ANKRD62: variants seen among roughly 807,000 people sequenced by gnomAD.
ANKRD62 encodes the protein ankyrin repeat domain 62.
A neutral mutation model predicts 98.8 loss-of-function variants in ANKRD62; 61 were observed. The observed-to-expected ratio is 0.62, with a 90% confidence interval of 0.50 to 0.76. ANKRD62 has a LOEUF of 0.76. ANKRD62 is among the 30% of genes least tolerant of loss of function. ANKRD62 has a pLI of 0.00. For missense variants in ANKRD62, 933 were observed against 1,082.9 expected, an observed-to-expected ratio of 0.86 and a Z score of 1.94; for synonymous variants, 341 against 367.9, an observed-to-expected ratio of 0.93 and a Z score of 0.84.
chr18:12,181,459 T>C, the ANKRD62 span, among the ~76,000 whole-genome samples: 93 of 152,358 alleles, frequency 6.1e-4, 1 homozygote, highest in East Asian at 0.014. Context: ...ACAGCATGTA[T>C]CTTGGCTGCT....
chr18:12,163,527 G>C, the ANKRD62 span, among the ~76,000 whole-genome samples: 140,542 of 152,186 alleles, frequency 0.92, 65,101 homozygotes, highest in Middle Eastern at 0.99. Context: ...TTGTTCTAGC[G>C]AGAACTTCCA....
intron 11 of ANKRD62, among the ~76,000 whole-genome samples, chr18:12,123,620 G>C (rs1273406749): frequency 6.6e-6 from 1 of 152,154 alleles, no homozygotes; most frequent in Non-Finnish European, 1.5e-5. Context: ...TAACATCTTA[G>C]ATTCTTTAGC....
At chr18:12,144,909 C>T in the ANKRD62 span, among the ~76,000 whole-genome samples, 1 of 131,552 alleles carries the variant, frequency 7.6e-6, no homozygotes, top group Non-Finnish European at 1.6e-5. Flanking sequence ...TTTGGGAGGC[C>T]GAGGAGGGCG....
chr18:12,171,457 AT>A, the ANKRD62 span, among the ~76,000 whole-genome samples: 1 of 152,218 alleles, frequency 6.6e-6, no homozygotes, highest in South Asian at 2.1e-4. Flanking sequence ...AGAACGTTGA[AT>A]ATTGGCCCCC....
the ANKRD62 span, among the ~76,000 whole-genome samples, chr18:12,151,656 T>C: frequency 6.6e-6 from 1 of 152,082 alleles, no homozygotes; most frequent in Admixed American, 6.6e-5. Context: ...TTGAAATAAT[T>C]AGAGAAGCAA....
intron 8 of ANKRD62, 148 bp from the exon 9 acceptor site, chr18:12,114,940 A>G (rs1429250555): frequency 6.9e-6 from 4 of 582,696 alleles, no homozygotes; most frequent in Admixed American, 4.2e-5. Flanking sequence ...TGTATTTTGC[A>G]TCACCTGTAA....
chr18:12,151,061 C>A, the ANKRD62 span, among the ~76,000 whole-genome samples: 1 of 152,134 alleles, frequency 6.6e-6, no homozygotes. Flanking sequence ...CATAATGACA[C>A]CCATAGGCTC....
Position 12,115,446 on chromosome 18 carries a change from T to C in ANKRD62, c.1152T>C (p.Ser384=), listed in dbSNP as rs1480595054. The C allele has an allele frequency of 6.5e-7, 1 of 1,537,150 alleles. No homozygotes were observed. Residue 384 remains serine (S), a synonymous_variant, in exon 10 of 14, where the codon TCT becomes TCC. Transcript: ENST00000587848. ...ACCTTAATGACATAAGTGGGTCATC[T>C]GAAAAAACCTCAGAGGATGATGAGT... The part of the protein sequence containing the change: ...TDDLNDISGS[S]EKTSEDDELP...
chr18:12,121,665 G>T (rs1246034307), intron 10 of ANKRD62, among the ~76,000 whole-genome samples: 1 of 152,130 alleles, frequency 6.6e-6, no homozygotes, highest in Admixed American at 6.5e-5. Flanking sequence ...TTCTCGCTTT[G>T]TCATGGCCTG....
At chr18:12,178,279 A>C in the ANKRD62 span, among the ~76,000 whole-genome samples, 2 of 150,040 alleles carry the variant, frequency 1.3e-5, no homozygotes, top group African/African-American at 5.0e-5. Flanking sequence ...AGCAGTGGGA[A>C]AGAGAAGGGG....
chr18:12,102,061 G>A lies in ANKRD62; in HGVS notation c.821-1097G>A, dbSNP rs1909310928. 3 of 1,403,854 alleles carry A rather than the reference G, an allele frequency of 2.1e-6. No individual in the cohort carries two copies. In the South Asian group the frequency reaches 3.5e-5, roughly 16 times the overall value. 87.0% of individuals were successfully genotyped at this position (1,403,854 alleles called of 1,614,324 possible). A position where few individuals can be genotyped will look rare whatever the true frequency, so the allele number is the denominator to read the frequency against. The stretch of plus-strand genomic sequence containing the variant: ...ATGGTAGTTGAAATAGCAAAGCCCA[G>A]CAAAGGTTAAAGCTGAAAGTGCCAG... On this transcript the variant is annotated intron_variant, in intron 6 of 13. Coordinates refer to ENST00000587848, the MANE Select transcript of ANKRD62 (RefSeq NM_001277333.2).
At chr18:12,160,208 A>G in the ANKRD62 span, among the ~76,000 whole-genome samples, 90,390 of 152,018 alleles carry the variant, frequency 0.59, 27,415 homozygotes, top group Middle Eastern at 0.76. Context: ...CCTTGTTTGT[A>G]TATTCCCTTG....
intron 10 of ANKRD62, among the ~76,000 whole-genome samples, chr18:12,121,824 A>G (rs1169816966): frequency 6.6e-6 from 1 of 152,186 alleles, no homozygotes; most frequent in African/African-American, 2.4e-5. Flanking sequence ...TGGTTGTTTC[A>G]GGTAAGGAGG....
At chr18:12,099,756 T>A (rs1598730131) in intron 6 of ANKRD62, 74 bp downstream of exon 6, 1 of 793,458 alleles carries the variant, frequency 1.3e-6, no homozygotes. Flanking sequence ...GAAGTTTTGA[T>A]CACAAAACAG....
At chr18:12,098,976 T>C (rs1909242950) in intron 5 of ANKRD62, among the ~76,000 whole-genome samples, 1 of 152,248 alleles carries the variant, frequency 6.6e-6, no homozygotes. Flanking sequence ...AATCATGTTA[T>C]CTATTTTAAT....
chr18:12,121,914 C>A (rs1297691038), intron 10 of ANKRD62, among the ~76,000 whole-genome samples: 2 of 152,182 alleles, frequency 1.3e-5, no homozygotes, highest in Non-Finnish European at 2.9e-5. Flanking sequence ...CTAGCCAGAG[C>A]GCTTTGCTTC....
At chr18:12,108,592 C>G (rs1435050686) in intron 8 of ANKRD62, among the ~76,000 whole-genome samples, 1 of 152,140 alleles carries the variant, frequency 6.6e-6, no homozygotes, top group Non-Finnish European at 1.5e-5. Context: ...ATCTCATGTC[C>G]TTTTCACATT....
intron 10 of ANKRD62, among the ~76,000 whole-genome samples, chr18:12,121,019 T>C (rs745313632): frequency 7.9e-5 from 12 of 152,206 alleles, no homozygotes; most frequent in Non-Finnish European, 1.3e-4. Flanking sequence ...TTTTCTGTCT[T>C]TGTTCCTTTC....
intron 11 of ANKRD62, 119 bp downstream of exon 11, chr18:12,122,635 T>TTGTGGAA (rs1909805283): frequency 7.1e-6 from 6 of 843,248 alleles, no homozygotes; most frequent in Middle Eastern, 3.8e-4. Context: ...CCTCTTAAAA[T>TTGTGGAA]TGTGGAATGT....
Sources: gnomAD v4.1 joint callset for allele counts (sites outside exome capture counted in the v4.1 genomes callset) on GRCh38, gnomAD v4.1.1 for gene constraint, MANE v1.5 for transcripts, NCBI Gene and HGNC (gene_info 2026-07-23, HGNC 2026-07-21) for gene names.